The following MAD1L1 variants were observed in gnomAD, a reference collection of about 807,000 sequenced individuals.
MAD1L1 encodes the protein mitotic spindle assembly checkpoint protein MAD1.
A neutral mutation model predicts 96.9 loss-of-function variants in MAD1L1; 95 were observed. The ratio of observed to expected loss-of-function variants is 0.98; its 90% confidence interval spans 0.83 to 1.16. MAD1L1 has a LOEUF of 1.16. Among genes scored for constraint, MAD1L1 ranks in the 50% most tolerant of loss-of-function variants. The pLI is 0.00. For synonymous variants in MAD1L1, 473 were observed against 396.6 expected (o/e 1.19, Z -2.29); for missense variants, 1,007 against 954.4 (o/e 1.06, Z -0.73).
chr7:1,897,225 C>T (rs1013077980), intron 18 of MAD1L1, among the ~76,000 whole-genome samples: 1 of 96,824 alleles, frequency 1.0e-5, no homozygotes, highest in Non-Finnish European at 2.0e-5. Flanking sequence ...ATGCGTAGGC[C>T]GCACTGGGTA....
intron 10 of MAD1L1, among the ~76,000 whole-genome samples, chr7:2,211,076 T>C (rs1310433567): frequency 6.6e-6 from 1 of 152,178 alleles, no homozygotes; most frequent in South Asian, 2.1e-4. Context: ...AAGAACTATC[T>C]GTGTTCCTCA....
intron 18 of MAD1L1, among the ~76,000 whole-genome samples, chr7:1,818,993 C>T (rs1781981269): frequency 6.6e-6 from 1 of 152,090 alleles, no homozygotes; most frequent in Non-Finnish European, 1.5e-5. Context: ...GTGCAGCCCA[C>T]CTCTGACTCC....
intron 11 of MAD1L1, among the ~76,000 whole-genome samples, chr7:2,143,169 AC>A (rs1382700341): frequency 6.6e-6 from 1 of 151,690 alleles, no homozygotes; most frequent in Non-Finnish European, 1.5e-5. Flanking sequence ...GAGCCTCAAA[AC>A]CCCCAACAGG....
chr7:2,197,788 G>A (rs935335857), intron 10 of MAD1L1, among the ~76,000 whole-genome samples: 1 of 152,242 alleles, frequency 6.6e-6, no homozygotes, highest in African/African-American at 2.4e-5. Context: ...GACATCGGCT[G>A]CTGTCTGACA....
chr7:1,957,819 G>T, intron 15 of MAD1L1, 100 bp from the exon 16 acceptor site: 1 of 923,178 alleles, frequency 1.1e-6, no homozygotes, highest in Non-Finnish European at 1.7e-6. Context: ...AGGAGACCCA[G>T]CTATACAGCT....
At chr7:2,195,665 G>C (rs926715669) in intron 10 of MAD1L1, among the ~76,000 whole-genome samples, 35 of 152,174 alleles carry the variant, frequency 2.3e-4, no homozygotes, top group African/African-American at 8.2e-4. Context: ...CCACCTCCGC[G>C]AACAAGATAG....
chr7:1,893,242 G>C (rs1415809371), intron 18 of MAD1L1, among the ~76,000 whole-genome samples: 5 of 152,034 alleles, frequency 3.3e-5, no homozygotes, highest in Non-Finnish European at 7.4e-5. Context: ...GGCAACAAGA[G>C]GTTTGGTCCC....
chr7:1,922,005 C>G (rs1788821015), intron 17 of MAD1L1, among the ~76,000 whole-genome samples: 1 of 152,208 alleles, frequency 6.6e-6, no homozygotes, highest in Admixed American at 6.5e-5. Flanking sequence ...AAGAGAGAAC[C>G]TGAAGACGAG....
At chr7:2,075,358 G>A (rs1012725233) in intron 11 of MAD1L1, among the ~76,000 whole-genome samples, 4 of 152,286 alleles carry the variant, frequency 2.6e-5, no homozygotes, top group South Asian at 2.1e-4. Context: ...GCAGGGCACC[G>A]GGACCCAGCA....
chr7:2,143,354 G>A (rs970427253), intron 11 of MAD1L1, among the ~76,000 whole-genome samples: 3 of 144,350 alleles, frequency 2.1e-5, no homozygotes, highest in African/African-American at 7.8e-5. Flanking sequence ...GTCTCTGGAT[G>A]ACTCAAGTGC....
chr7:1,858,004 G>C (rs531345423), intron 18 of MAD1L1, among the ~76,000 whole-genome samples: 21 of 152,332 alleles, frequency 1.4e-4, no homozygotes, highest in African/African-American at 5.1e-4. Flanking sequence ...CACAGAGCCC[G>C]AACTTTCCTC....
intron 16 of MAD1L1, among the ~76,000 whole-genome samples, chr7:1,943,725 T>C (rs1029903289): frequency 6.6e-6 from 1 of 151,420 alleles, no homozygotes; most frequent in African/African-American, 2.4e-5. Context: ...GCAGGCCCAG[T>C]CCCAGGCAGA....
chr7:2,097,134 GCACCCAGGCACAGGCT>G (rs1309290025), intron 11 of MAD1L1, among the ~76,000 whole-genome samples: 2 of 152,064 alleles, frequency 1.3e-5, no homozygotes, highest in African/African-American at 4.8e-5. Context: ...ACACCCCATG[GCACCCAGGCACAGGCT>G]CACCCTACTC....
chr7:1,978,780 G>A (rs568732028), intron 15 of MAD1L1, among the ~76,000 whole-genome samples: 2 of 152,266 alleles, frequency 1.3e-5, no homozygotes, highest in Non-Finnish European at 2.9e-5. Flanking sequence ...ACATGGAGAC[G>A]CAGATGAAGA....
At chr7:2,040,635 TGGGGA>T (rs1783632692) in intron 12 of MAD1L1, among the ~76,000 whole-genome samples, 1 of 152,236 alleles carries the variant, frequency 6.6e-6, no homozygotes, top group African/African-American at 2.4e-5. Flanking sequence ...AGTCCTTTGC[TGGGGA>T]GCGTCGGCAT....
chr7:1,907,445 T>TA, intron 17 of MAD1L1, among the ~76,000 whole-genome samples: 1 of 152,330 alleles, frequency 6.6e-6, no homozygotes, highest in Non-Finnish European at 1.5e-5. Flanking sequence ...TTTCAGGCTT[T>TA]AAAAAACCCA....
At chr7:1,961,539 G>T (rs1447563117) in intron 15 of MAD1L1, among the ~76,000 whole-genome samples, 2 of 152,194 alleles carry the variant, frequency 1.3e-5, no homozygotes, top group African/African-American at 2.4e-5. Context: ...GGGAAATAAA[G>T]AATTAAAATC....
chr7:1,865,538 G>A (rs939308507), intron 18 of MAD1L1, among the ~76,000 whole-genome samples: 4 of 152,258 alleles, frequency 2.6e-5, no homozygotes, highest in Non-Finnish European at 4.4e-5. Context: ...CGACGGAGCA[G>A]CCAGATGGGA....
At chr7:2,223,844 G>GT (rs1554256239) in intron 4 of MAD1L1, among the ~76,000 whole-genome samples, 31 of 151,928 alleles carry the variant, frequency 2.0e-4, no homozygotes, top group Admixed American at 2.0e-3. Flanking sequence ...CTTAAGTCTC[G>GT]CCCCTAATAG....
Sources: allele counts gnomAD v4.1 joint callset (sites outside exome capture counted in the v4.1 genomes callset), GRCh38; gene constraint gnomAD v4.1.1; transcripts MANE v1.5; gene names NCBI Gene and HGNC (gene_info 2026-07-23, HGNC 2026-07-21).